The following MINDY2 variants were observed in gnomAD, a reference collection of about 807,000 sequenced individuals.
MINDY2 encodes MINDY lysine 48 deubiquitinase 2.
A neutral mutation model predicts 68.2 loss-of-function variants in MINDY2; 52 were observed. The ratio of observed to expected loss-of-function variants is 0.76; its 90% CI spans 0.61 to 0.96. The LOEUF (loss-of-function observed/expected upper bound fraction) is 0.96, where lower values mean the gene tolerates loss of function less well. Ranked by LOEUF, MINDY2 falls within the 40% of genes least tolerant of loss-of-function variation. The probability of loss-of-function intolerance (pLI) is 0.00; values close to 1 mark genes in which losing one functional copy is unlikely to be tolerated. For missense variants in MINDY2, 881 were observed against 773.4 expected (o/e 1.14, Z -1.65); for synonymous variants, 372 against 303.0 (o/e 1.23, Z -2.36).
intron 1 of MINDY2, among the ~76,000 whole-genome samples, chr15:58,773,394 C>T (rs1420149841): frequency 6.6e-6 from 1 of 152,196 alleles, no homozygotes; most frequent in African/African-American, 2.4e-5. Context: ...CTAGCAAGGA[C>T]TGATAGAAAA....
chr15:58,789,109 G>T (rs1289386793), intron 2 of MINDY2, among the ~76,000 whole-genome samples: 1 of 152,108 alleles, frequency 6.6e-6, no homozygotes, highest in African/African-American at 2.4e-5. Context: ...AGGCCGAGGC[G>T]GGCCGATCAC....
chr15:58,809,723 A>G (rs1451090598), intron 3 of MINDY2, among the ~76,000 whole-genome samples: 1 of 152,164 alleles, frequency 6.6e-6, no homozygotes, highest in Non-Finnish European at 1.5e-5. Context: ...TTTTATATAT[A>G]TACATGTTTA....
At chr15:58,850,963 A>T (rs950503613) in intron 7 of MINDY2, among the ~76,000 whole-genome samples, 1 of 151,644 alleles carries the variant, frequency 6.6e-6, no homozygotes, top group African/African-American at 2.4e-5. Flanking sequence ...AATTTCAAAT[A>T]CATTCCCCCA....
intron 6 of MINDY2, among the ~76,000 whole-genome samples, chr15:58,846,114 AC>A (rs1288249845): frequency 6.1e-4 from 93 of 152,170 alleles, no homozygotes; most frequent in Non-Finnish European, 1.2e-3. Flanking sequence ...AAAAGAAAAA[AC>A]AGAATGATTG....
intron 5 of MINDY2, among the ~76,000 whole-genome samples, chr15:58,830,126 C>T (rs952813038): frequency 1.3e-5 from 2 of 152,096 alleles, no homozygotes; most frequent in African/African-American, 4.8e-5. Context: ...AATATGTATA[C>T]AGTTGATTCT....
intron 5 of MINDY2, among the ~76,000 whole-genome samples, chr15:58,831,041 G>GTGTATATATATATA (rs565786025): frequency 3.1e-4 from 39 of 124,920 alleles, no homozygotes; most frequent in East Asian, 1.8e-3. Context: ...GTGTGTGTGT[G>GTGTATATATATATA]TATATATATA....
chr15:58,791,369 C>A (rs945028592), intron 2 of MINDY2, among the ~76,000 whole-genome samples: 1 of 151,026 alleles, frequency 6.6e-6, no homozygotes, highest in Non-Finnish European at 1.5e-5. Context: ...ACATGCGGTC[C>A]TCAAGCTCTT....
rs914424774 is a variant in MINDY2 at position 58,812,124 on chromosome 15, T to G, written c.1122+1736T>G. 2.0e-5 allele frequency among the ~76,000 whole-genome samples: 3 copies of G among 152,272 alleles called. No homozygotes were observed. In the East Asian group the frequency reaches 5.8e-4, roughly 29 times the overall value. Reference sequence around the variant, plus strand: ...TTTTTATTTTGAGGTAATTATAGATTCACATGCCAGTGTAAGAAATAATAA... The same window carrying G: ...TTTTTATTTTGAGGTAATTATAGATGCACATGCCAGTGTAAGAAATAATAA... On this transcript the variant is annotated intron_variant, in intron 4 of 8. Transcript: ENST00000559228.
chr15:58,851,667 T>A (rs2032818828), intron 7 of MINDY2, 104 bp from the exon 8 acceptor site: 11 of 934,742 alleles, frequency 1.2e-5, no homozygotes, highest in Middle Eastern at 3.4e-4. Flanking sequence ...GTGTATTTTT[T>A]AATAGCCATT....
chr15:58,852,972 A>ATTTTTTTTTTTTTTTT lies in MINDY2; in HGVS notation c.1737+1007_1737+1008insTTTTTTTTTTTTTTTT. Reference sequence around the variant, plus strand: ...TTTTTTTTTTTTTTTTTTTTTTTTAAGACAGAGTCTCACTCTGTTGCCCAG... The same window carrying ATTTTTTTTTTTTTTTT: ...TTTTTTTTTTTTTTTTTTTTTTTTAATTTTTTTTTTTTTTTTGACAGAGTCTCACTCTGTTGCCCAG... On this transcript the variant is annotated intron_variant, in intron 8 of 8. Coordinates refer to ENST00000559228, the MANE Select transcript of MINDY2 (RefSeq NM_001040450.3). 2.5e-3 allele frequency among the ~76,000 whole-genome samples: 44 copies of ATTTTTTTTTTTTTTTT among 17,272 alleles called. 12 individuals carry two copies. Among genetic ancestry groups the ATTTTTTTTTTTTTTTT allele is most frequent in the Non-Finnish European group, 5.8e-3 (35 of 6,082 alleles). 11.3% of individuals were successfully genotyped at this position (17,272 alleles called of 152,430 possible). A position where few individuals can be genotyped will look rare whatever the true frequency, so the allele number is the denominator to read the frequency against.
chr15:58,837,707 TG>T (rs1276779667), intron 6 of MINDY2, among the ~76,000 whole-genome samples: 2 of 152,084 alleles, frequency 1.3e-5, no homozygotes, highest in Admixed American at 6.6e-5. Context: ...GGCTTACACA[TG>T]TAATTGCAGT....
intron 6 of MINDY2, among the ~76,000 whole-genome samples, 200 bp from the exon 7 acceptor site, chr15:58,847,097 C>T (rs986021098): frequency 6.6e-6 from 1 of 151,988 alleles, no homozygotes; most frequent in Non-Finnish European, 1.5e-5. Flanking sequence ...TGTAGTGTGC[C>T]AATTATAAAC....
chr15:58,773,794 G>C (rs527866810), intron 1 of MINDY2, among the ~76,000 whole-genome samples: 2 of 152,192 alleles, frequency 1.3e-5, no homozygotes, highest in South Asian at 4.1e-4. Flanking sequence ...ATTCCCAGGG[G>C]AGAGAAGAGT....
Position 58,821,824 on chromosome 15 carries a change from G to T in MINDY2, c.1225+5G>T, listed in dbSNP as rs765719244. ...ATAGTGAGCTGGTTAGTGAAGGTGG[G>T]TGAGTGCTGCTATTTCCTGACTTTT... On this transcript the variant is annotated splice_donor_5th_base_variant and intron_variant, in intron 5 of 8. Coordinates refer to ENST00000559228, the MANE Select transcript of MINDY2 (RefSeq NM_001040450.3). 6.4e-7 allele frequency: 1 copy of T among 1,561,814 alleles called. No individual in the cohort carries two copies. Among genetic ancestry groups the T allele is most frequent in the Non-Finnish European group, 8.7e-7 (1 of 1,151,802 alleles).
rs2033058486 is a variant in MINDY2, at chr15:58,856,263, T to G, written c.*1653T>G. The G allele has an allele frequency of 2.0e-5, 3 of 152,252 alleles. No individual in the cohort carries two copies. The highest frequency in any genetic ancestry group is 2.0e-4 in the Admixed American group (3 of 15,238). The allele number at this position is 152,252 out of a possible 1,614,324, so 9.4% of individuals were successfully genotyped here. A position where few individuals can be genotyped will look rare whatever the true frequency, so the allele number is the denominator to read the frequency against. ...GACCTGAGCATCCACTTGGAGAGTG[T>G]TTTTTTTGTGTGTGGTCTGGGGTGA... On this transcript the variant is annotated 3_prime_UTR_variant, in exon 9 of 9. Coordinates refer to ENST00000559228, the MANE Select transcript of MINDY2 (RefSeq NM_001040450.3).
chr15:58,844,940 A>T (rs2032460978), intron 6 of MINDY2, among the ~76,000 whole-genome samples: 1 of 136,840 alleles, frequency 7.3e-6, no homozygotes, highest in East Asian at 2.4e-4. Flanking sequence ...AAAAAAAAAA[A>T]AAATGAAAGG....
At position 58,798,405 on chromosome 15, in the gene MINDY2, G is replaced by A. The variant is rs147419207; in HGVS notation, c.899-3908G>A. Among the ~76,000 whole-genome samples, 453 of 151,316 alleles carry A rather than the reference G, an allele frequency of 3.0e-3. 2 individuals are homozygous for A. The highest frequency in any genetic ancestry group is 0.01 in the African/African-American group (430 of 41,178). On this transcript the variant is annotated intron_variant, in intron 2 of 8. Transcript: ENST00000559228. ...CTCTCAAAGTGCTGGGACTACAGGC[G>A]TGAGCCACCACACCCAGACCTTTTC...
chr15:58,778,524 A>G (rs1282652295), intron 1 of MINDY2, among the ~76,000 whole-genome samples: 1 of 151,760 alleles, frequency 6.6e-6, no homozygotes, highest in Non-Finnish European at 1.5e-5. Context: ...AAGCTTAAAA[A>G]AACAGACACA....
intron 2 of MINDY2, among the ~76,000 whole-genome samples, chr15:58,793,834 G>C (rs527296500): frequency 1.3e-5 from 2 of 152,126 alleles, no homozygotes; most frequent in Non-Finnish European, 2.9e-5. Context: ...AGGAGTTGTT[G>C]AAAGTAAGAG....
Sources: allele counts gnomAD v4.1 joint callset (sites outside exome capture counted in the v4.1 genomes callset), GRCh38; gene constraint gnomAD v4.1.1; transcripts MANE v1.5; gene names NCBI Gene and HGNC (gene_info 2026-07-23, HGNC 2026-07-21).